Variants in CSMD1 observed in about 807,000 individuals in gnomAD.
CSMD1 encodes CUB and Sushi multiple domains 1, also known as CUB and sushi domain-containing protein 1.
A neutral mutation model predicts 417.5 loss-of-function variants in CSMD1; 213 were observed. That is an observed-to-expected ratio of 0.51 (90% CI 0.46 to 0.57). CSMD1 has a LOEUF of 0.57. CSMD1 is among the 20% of genes least tolerant of loss of function. The pLI, the probability that CSMD1 is intolerant of heterozygous loss-of-function variation, is 0.00. For synonymous variants in CSMD1, 2,862 were observed against 1,736.8 expected (o/e 1.65, Z -16.11); for missense variants, 6,923 against 4,529.7 (o/e 1.53, Z -15.17).
chr8:4,745,572 G>C (rs1810898599), intron 1 of CSMD1, among the ~76,000 whole-genome samples: 1 of 152,078 alleles, frequency 6.6e-6, no homozygotes, highest in South Asian at 2.1e-4. Flanking sequence ...AAATGTAGCA[G>C]ACATTTCTTA....
chr8:4,236,311 C>T (rs1802057349), intron 3 of CSMD1, among the ~76,000 whole-genome samples: 1 of 152,014 alleles, frequency 6.6e-6, no homozygotes, highest in South Asian at 2.1e-4. Context: ...ACGCAGGAAA[C>T]AGTATAGTAT....
chr8:4,352,316 C>G (rs552925898), intron 3 of CSMD1, among the ~76,000 whole-genome samples: 2 of 152,242 alleles, frequency 1.3e-5, no homozygotes, highest in South Asian at 4.1e-4. Flanking sequence ...ACTATCTATG[C>G]CATCATAAAA....
At chr8:4,243,416 C>A (rs41402944) in intron 3 of CSMD1, among the ~76,000 whole-genome samples, 1 of 152,144 alleles carries the variant, frequency 6.6e-6, no homozygotes, top group South Asian at 2.1e-4. Flanking sequence ...CTACTGACCA[C>A]TTTGCTCCTT....
chr8:4,657,499 G>A lies in CSMD1; in HGVS notation c.86-19941C>T, dbSNP rs556449949. Among the ~76,000 whole-genome samples, 509 of 152,050 alleles carry A rather than the reference G, an allele frequency of 3.3e-3. 4 individuals carry two copies. Among genetic ancestry groups the A allele is most frequent in the African/African-American group, 0.012 (480 of 41,474 alleles). On this transcript the variant is annotated intron_variant, in intron 1 of 69. Transcript: ENST00000635120. ...AAACGCTGTTTAAACATTAGTTAAA[G>A]GGACAAAGGCTTCAAAGAACAAACA...
chr8:4,714,876 A>T (rs1399686638), intron 1 of CSMD1, among the ~76,000 whole-genome samples: 3 of 152,222 alleles, frequency 2.0e-5, no homozygotes, highest in Admixed American at 6.5e-5. Context: ...AAAAATCTGT[A>T]TACCTTTAGA....
intron 3 of CSMD1, among the ~76,000 whole-genome samples, chr8:4,063,670 C>T (rs532352680): frequency 1.3e-5 from 2 of 152,278 alleles, no homozygotes; most frequent in East Asian, 3.9e-4. Flanking sequence ...GGGCATTCTA[C>T]CAGGAAGGAT....
At chr8:3,977,839 AC>A (rs1050481271) in intron 5 of CSMD1, among the ~76,000 whole-genome samples, 1 of 152,214 alleles carries the variant, frequency 6.6e-6, no homozygotes, top group African/African-American at 2.4e-5. Context: ...TCAGCAAGTC[AC>A]AAGAAATAAC....
chr8:4,138,626 G>A (rs372274739), intron 3 of CSMD1, among the ~76,000 whole-genome samples: 44,899 of 151,778 alleles, frequency 0.3, 8,046 homozygotes, highest in Non-Finnish European at 0.39. Context: ...TTAAACAAAG[G>A]AAAAAACATC....
At chr8:3,117,414 G>A (rs530696104) in intron 42 of CSMD1, among the ~76,000 whole-genome samples, 14 of 152,244 alleles carry the variant, frequency 9.2e-5, no homozygotes, top group African/African-American at 2.9e-4. Context: ...CTACTGATAT[G>A]CTTCTTTTAC....
intron 23 of CSMD1, among the ~76,000 whole-genome samples, chr8:3,319,105 T>A (rs1005074907): frequency 1.3e-5 from 2 of 152,134 alleles, no homozygotes; most frequent in Non-Finnish European, 2.9e-5. Flanking sequence ...GTGTCTTGCA[T>A]CCAGATAATA....
intron 2 of CSMD1, among the ~76,000 whole-genome samples, chr8:4,615,633 AATAAAT>A (rs1490336846): frequency 6.6e-6 from 1 of 152,168 alleles, no homozygotes; most frequent in Non-Finnish European, 1.5e-5. Flanking sequence ...ATTCTTAAAT[AATAAAT>A]ATATTTTTTT....
intron 21 of CSMD1, among the ~76,000 whole-genome samples, chr8:3,358,497 C>T (rs1808944782): frequency 6.6e-6 from 1 of 152,150 alleles, no homozygotes; most frequent in African/African-American, 2.4e-5. Context: ...TGGCACAGTT[C>T]CCAGATTGCT....
intron 3 of CSMD1, among the ~76,000 whole-genome samples, chr8:4,093,611 G>C (rs1320191615): frequency 6.6e-6 from 1 of 152,072 alleles, no homozygotes; most frequent in South Asian, 2.1e-4. Flanking sequence ...TTCCCTATTT[G>C]AAAGTCGAAT....
intron 33 of CSMD1, among the ~76,000 whole-genome samples, chr8:3,196,040 T>A (rs1352875205): frequency 6.6e-6 from 1 of 152,018 alleles, no homozygotes; most frequent in African/African-American, 2.4e-5. Context: ...AAGGTATAGA[T>A]CACAAAGACC....
intron 3 of CSMD1, among the ~76,000 whole-genome samples, chr8:4,256,488 GT>G (rs1585108344): frequency 6.6e-6 from 1 of 152,188 alleles, no homozygotes; most frequent in East Asian, 1.9e-4. Context: ...GTAAAGGGAG[GT>G]TCTCAGTGAG....
At chr8:4,120,093 AG>A (rs1802395749) in intron 3 of CSMD1, among the ~76,000 whole-genome samples, 1 of 152,210 alleles carries the variant, frequency 6.6e-6, no homozygotes, top group African/African-American at 2.4e-5. Flanking sequence ...TAAATGCTTG[AG>A]GGGATGGACA....
At chr8:3,003,936 C>T (rs1807649884) in intron 52 of CSMD1, among the ~76,000 whole-genome samples, 1 of 152,102 alleles carries the variant, frequency 6.6e-6, no homozygotes, top group Non-Finnish European at 1.5e-5. Flanking sequence ...TATACATTTG[C>T]TAGGAGGGTG....
At chr8:4,258,657 C>A (rs946376028) in intron 3 of CSMD1, among the ~76,000 whole-genome samples, 1 of 143,580 alleles carries the variant, frequency 7.0e-6, no homozygotes, top group Non-Finnish European at 1.5e-5. Flanking sequence ...CTCAGAACTT[C>A]ATCTAAAAGT....
chr8:4,571,544 G>A lies in CSMD1; in HGVS notation c.302+65798C>T, dbSNP rs577904960. Reference sequence around the variant, plus strand: ...ATTTATGTTCCTTTACATTTGCTGAGGAGTGTTTTATTTCCAATTATGTGG... The same window carrying A: ...ATTTATGTTCCTTTACATTTGCTGAAGAGTGTTTTATTTCCAATTATGTGG... On this transcript the variant is annotated intron_variant, in intron 2 of 69. Coordinates refer to ENST00000635120, the MANE Select transcript of CSMD1 (RefSeq NM_033225.6). 5.3e-5 allele frequency among the ~76,000 whole-genome samples: 8 copies of A among 152,232 alleles called. No individual in the cohort carries two copies. The South Asian group carries it at 8.3e-4, about 16-fold the overall frequency.
Sources: gnomAD v4.1 joint callset for allele counts (sites outside exome capture counted in the v4.1 genomes callset) on GRCh38, gnomAD v4.1.1 for gene constraint, MANE v1.5 for transcripts, NCBI Gene and HGNC (gene_info 2026-07-23, HGNC 2026-07-21) for gene names.